The following CCDC57 variants were observed in gnomAD, a reference collection of about 807,000 sequenced individuals.
The protein encoded by CCDC57 is coiled-coil domain containing 57.
CCDC57 carries 118 observed loss-of-function variants against 118.9 expected under a neutral mutation model. That is an observed-to-expected ratio of 0.99 (90% CI 0.86 to 1.16). The LOEUF (loss-of-function observed/expected upper bound fraction) is 1.16, where lower values mean the gene tolerates loss of function less well. CCDC57 is among the 50% of genes most tolerant of loss of function. The pLI is 0.00. For missense variants in CCDC57, 1,300 were observed against 1,320.7 expected, an observed-to-expected ratio of 0.98 and a Z score of 0.24; for synonymous variants, 527 against 532.9, an observed-to-expected ratio of 0.99 and a Z score of 0.15.
intron 15 of CCDC57, chr17:82,153,566 G>C (rs6416859): frequency 0.47 from 71,140 of 152,062 alleles, 17,457 homozygotes; most frequent in East Asian, 0.88. Flanking sequence ...ACAGTGACCT[G>C]GGGGGCAGGG....
chr17:82,197,795 C>G (rs532669322), intron 4 of CCDC57, among the ~76,000 whole-genome samples: 14 of 152,318 alleles, frequency 9.2e-5, no homozygotes, highest in African/African-American at 3.4e-4. Context: ...TGAACTCGCT[C>G]TCTCTGCTTG....
At chr17:82,188,647 C>G (rs1484459622) in intron 7 of CCDC57, among the ~76,000 whole-genome samples, 2 of 152,228 alleles carry the variant, frequency 1.3e-5, no homozygotes, top group South Asian at 2.1e-4. Context: ...GAGCCCACAG[C>G]CCCCTGGAGA....
intron 19 of CCDC57, chr17:82,108,711 G>C (rs564621978): frequency 6.6e-6 from 1 of 152,364 alleles, no homozygotes; most frequent in East Asian, 1.9e-4. Context: ...GACTGTGAGC[G>C]TGACCAGCTG....
exon 19 of CCDC57, chr17:82,127,820 G>A (rs376747467): frequency 2.2e-5 from 36 of 1,612,272 alleles, no homozygotes; most frequent in Non-Finnish European, 2.9e-5. Flanking sequence ...ATGCTCCTCA[G>A]GGTGCTGGGG....
At chr17:82,195,921 G>A (rs570112122) in intron 4 of CCDC57, among the ~76,000 whole-genome samples, 11 of 152,292 alleles carry the variant, frequency 7.2e-5, no homozygotes, top group South Asian at 6.2e-4. Flanking sequence ...ACGTTAAAAC[G>A]TCACGTTTCC....
chr17:82,176,076 T>C (rs1227499504), intron 11 of CCDC57, among the ~76,000 whole-genome samples: 1 of 152,182 alleles, frequency 6.6e-6, no homozygotes, highest in Admixed American at 6.5e-5. Context: ...TCTTGGAACA[T>C]GTCCTGGGTC....
intron 19 of CCDC57, chr17:82,126,757 C>G (rs1383106931): frequency 1.0e-6 from 1 of 985,338 alleles, no homozygotes; most frequent in Non-Finnish European, 1.2e-6. Flanking sequence ...TGTTTTCACA[C>G]ACACTGCAGC....
chr17:82,130,415 G>C lies in CCDC57; in HGVS notation c.2578-1818C>G, dbSNP rs112277272. 6.0e-5 allele frequency among the ~76,000 whole-genome samples: 9 copies of C among 150,858 alleles called. No individual in the cohort carries two copies. The East Asian group carries it at 1.8e-3, about 30-fold the overall frequency. ...TTGCCAAATTGGCCAGGCTGGTCTC[G>C]AACTCCTGACCTCAAGTAATCTGCT... On this transcript the variant is annotated intron_variant, in intron 17 of 19. Transcript: ENST00000665763.
chr17:82,171,888 C>A, intron 12 of CCDC57, 35 bp from the exon 12 acceptor site: 1 of 1,595,014 alleles, frequency 6.3e-7, no homozygotes. Flanking sequence ...ATAACACATA[C>A]ACAGCATCCT....
rs2035490958 is a variant in CCDC57 at position 82,113,808 on chromosome 17, T to C, written c.2900-11942A>G. 8.0e-6 allele frequency: 5 copies of C among 626,658 alleles called. 1 individual carries two copies. Among genetic ancestry groups the C allele is most frequent in the Non-Finnish European group, 1.1e-5 (4 of 348,622 alleles). The allele number at this position is 626,658 out of a possible 1,614,324, so 38.8% of individuals were successfully genotyped here. A position where few individuals can be genotyped will look rare whatever the true frequency, so the allele number is the denominator to read the frequency against. On this transcript the variant is annotated intron_variant, in intron 19 of 19. Coordinates refer to ENST00000665763, the Ensembl canonical transcript of CCDC57. ...AACATGTAAAAAGATTAGCCAGCTA[T>C]GGTGATGTGCACCTGTAGTCTCAGC...
intron 14 of CCDC57, among the ~76,000 whole-genome samples, chr17:82,158,544 C>T (rs1029093734): frequency 1.3e-5 from 2 of 151,814 alleles, no homozygotes; most frequent in Non-Finnish European, 2.9e-5. Flanking sequence ...AAAAATTAGC[C>T]GGGCATGGCG....
chr17:82,174,305 G>A (rs1179096874), intron 11 of CCDC57, among the ~76,000 whole-genome samples: 3 of 152,258 alleles, frequency 2.0e-5, no homozygotes, highest in African/African-American at 7.2e-5. Flanking sequence ...GGGTGGAGAG[G>A]ATGCGAACAG....
In CCDC57 at chr17:82,169,532, C is replaced by A. The variant is rs1399788176; in HGVS notation, c.1882+2169G>T. On this transcript the variant is annotated intron_variant, in intron 13 of 19. Coordinates refer to ENST00000665763, the Ensembl canonical transcript of CCDC57. ...CTGCAGATGGGGCCTGCCTCCCCTA[C>A]ACTAAGGGGGGCTGTGGCTCCAGCA... Among the ~76,000 whole-genome samples the A allele has an allele frequency of 3.3e-5, 5 of 152,284 alleles. No homozygotes were observed. In the East Asian group the frequency reaches 9.6e-4, roughly 29 times the overall value.
At chr17:82,186,597 T>C (rs918994474) in intron 8 of CCDC57, among the ~76,000 whole-genome samples, 9 of 152,172 alleles carry the variant, frequency 5.9e-5, no homozygotes, top group African/African-American at 2.2e-4. Flanking sequence ...CTTAACTTCC[T>C]GGTACTGTGT....
intron 16 of CCDC57, among the ~76,000 whole-genome samples, chr17:82,134,789 G>T (rs2145423192): frequency 8.7e-6 from 1 of 115,492 alleles, no homozygotes; most frequent in South Asian, 3.2e-4. Flanking sequence ...ATCTCAAAAA[G>T]CAAGCAAACA....
intron 8 of CCDC57, among the ~76,000 whole-genome samples, chr17:82,185,499 G>A (rs1568407233): frequency 6.7e-6 from 1 of 149,584 alleles, no homozygotes. Flanking sequence ...CGCACCTGTA[G>A]TCCCAGCTAC....
chr17:82,147,476 G>C (rs193127373), intron 16 of CCDC57, among the ~76,000 whole-genome samples: 4 of 151,120 alleles, frequency 2.6e-5, no homozygotes, highest in Non-Finnish European at 3.0e-5. Flanking sequence ...TAGGTGTATG[G>C]ACGGATGGAC....
intron 19 of CCDC57, among the ~76,000 whole-genome samples, chr17:82,102,095 G>A (rs2034489863): frequency 6.6e-6 from 1 of 152,194 alleles, no homozygotes; most frequent in Admixed American, 6.5e-5. Flanking sequence ...CAGGGACTGG[G>A]CCTGCCCCTC....
chr17:82,147,731 G>A (rs2041000370), intron 16 of CCDC57, among the ~76,000 whole-genome samples: 1 of 142,924 alleles, frequency 7.0e-6, no homozygotes, highest in South Asian at 2.3e-4. Context: ...GTGGATGGAT[G>A]GGTGGGTGGA....
Sources: allele counts gnomAD v4.1 joint callset (sites outside exome capture counted in the v4.1 genomes callset), GRCh38; gene constraint gnomAD v4.1.1; transcripts MANE v1.5; gene names NCBI Gene and HGNC (gene_info 2026-07-23, HGNC 2026-07-21).